The following ARHGAP21 variants were observed in gnomAD, a reference collection of about 807,000 sequenced individuals.
ARHGAP21 encodes the protein rho GTPase-activating protein 21.
A neutral mutation model predicts 164.6 loss-of-function variants in ARHGAP21; 38 were observed. The ratio of observed to expected loss-of-function variants is 0.23; its 90% CI spans 0.18 to 0.30. ARHGAP21 has a LOEUF of 0.30. Among genes scored for constraint, ARHGAP21 ranks in the 10% least tolerant of loss-of-function variants. ARHGAP21 has a pLI of 1.00. For synonymous variants in ARHGAP21, 766 were observed against 857.9 expected (o/e 0.89, Z 1.87); for missense variants, 1,822 against 2,370.7 (o/e 0.77, Z 4.81).
intron 4 of ARHGAP21, among the ~76,000 whole-genome samples, chr10:24,636,431 A>G (rs1210033651): frequency 6.6e-6 from 1 of 152,234 alleles, no homozygotes; most frequent in African/African-American, 2.4e-5. Flanking sequence ...CTTAAGTTTG[A>G]GAATCACTGA....
chr10:24,606,399 A>G (rs1249349394), intron 11 of ARHGAP21, among the ~76,000 whole-genome samples: 1 of 152,194 alleles, frequency 6.6e-6, no homozygotes, highest in Non-Finnish European at 1.5e-5. Flanking sequence ...ACAGAAAAAT[A>G]TAAATATCTT....
intron 1 of ARHGAP21, chr10:24,722,746 G>C (rs1318019604): frequency 6.6e-6 from 1 of 151,956 alleles, no homozygotes; most frequent in Admixed American, 6.6e-5. Context: ...GGCGTCTCCG[G>C]GTGACTCGGG....
rs1428682764 is a variant in ARHGAP21 at position 24,594,518 on chromosome 10, T to G, written c.3876+432A>C. Among the ~76,000 whole-genome samples the G allele has an allele frequency of 2.0e-5, 3 of 152,132 alleles. No individual in the cohort carries two copies. In the East Asian group the frequency reaches 5.8e-4, roughly 29 times the overall value. On this transcript the variant is annotated intron_variant, in intron 21 of 25. Coordinates refer to ENST00000396432, the MANE Select transcript of ARHGAP21 (RefSeq NM_020824.4). ...GAAAAACTGAATGTGAACTGAATAT[T>G]AGACAATATAAAGAATATATTTTGT...
chr10:24,717,852 C>T (rs1014959959), intron 2 of ARHGAP21, among the ~76,000 whole-genome samples: 4 of 122,174 alleles, frequency 3.3e-5, no homozygotes, highest in African/African-American at 1.2e-4. Flanking sequence ...CCTCAGCCTC[C>T]AAACAGTTGG....
Position 24,623,601 on chromosome 10 carries a change from T to C in ARHGAP21, c.496-839A>G, listed in dbSNP as rs183237822. Among the ~76,000 whole-genome samples, 134 of 152,342 alleles carry C rather than the reference T, an allele frequency of 8.8e-4. 2 individuals are homozygous for C. The highest frequency in any genetic ancestry group is 2.9e-3 in the African/African-American group (120 of 41,584). On this transcript the variant is annotated intron_variant, in intron 7 of 25. Transcript: ENST00000396432. ...GAATCATACCAATACTTTTCTGCAATAGGAAAATTGTGTCTGGATGAGAGA... is the reference window on the plus strand; with the variant it reads ...GAATCATACCAATACTTTTCTGCAACAGGAAAATTGTGTCTGGATGAGAGA...
chr10:24,643,381 G>A (rs535409563), intron 4 of ARHGAP21, among the ~76,000 whole-genome samples: 2 of 152,208 alleles, frequency 1.3e-5, no homozygotes, highest in South Asian at 2.1e-4. Flanking sequence ...TTGTTATGGT[G>A]CTCTAACCAA....
At chr10:24,643,255 T>C (rs1246090679) in intron 4 of ARHGAP21, among the ~76,000 whole-genome samples, 1 of 152,246 alleles carries the variant, frequency 6.6e-6, no homozygotes, top group African/African-American at 2.4e-5. Context: ...TTAAAGTTCA[T>C]GTAGCATTGT....
chr10:24,594,202 T>A (rs928978219), intron 21 of ARHGAP21, among the ~76,000 whole-genome samples: 16 of 152,196 alleles, frequency 1.1e-4, no homozygotes, highest in African/African-American at 3.4e-4. Flanking sequence ...AAATCATCAT[T>A]TTAAAATCTC....
rs143563432 is a variant in ARHGAP21 at position 24,660,566 on chromosome 10, C to G, written c.268+6419G>C. Among the ~76,000 whole-genome samples, 1,021 of 152,058 alleles carry G rather than the reference C, an allele frequency of 6.7e-3. 34 individuals are homozygous for G. Among genetic ancestry groups the G allele is most frequent in the Admixed American group, 0.06 (914 of 15,284 alleles). The stretch of plus-strand genomic sequence containing the variant: ...ATGCTTGAAAAGTCTCCCATCAGTA[C>G]AGGATACCTTTACCAAATGAGGTTT... On this transcript the variant is annotated intron_variant, in intron 4 of 25. Coordinates refer to ENST00000396432, the MANE Select transcript of ARHGAP21 (RefSeq NM_020824.4).
chr10:24,584,409 A>G lies in ARHGAP21; in HGVS notation c.*3T>C. 3.1e-6 allele frequency: 5 copies of G among 1,589,154 alleles called. No individual in the cohort carries two copies. Among genetic ancestry groups the G allele is most frequent in the Non-Finnish European group, 4.3e-6 (5 of 1,168,816 alleles). On this transcript the variant is annotated 3_prime_UTR_variant, in exon 26 of 26. Coordinates refer to ENST00000396432, the MANE Select transcript of ARHGAP21 (RefSeq NM_020824.4). ...TACTTGCTAGAGTGGACATACCCCC[A>G]GTTTAAAGACAGGGATGAAACTCTG...
rs1282628211 is a variant in ARHGAP21 at position 24,633,579 on chromosome 10, C to T, written c.362-99G>A. The T allele has an allele frequency of 6.0e-5, 38 of 635,612 alleles. No individual in the cohort carries two copies. The South Asian group carries it at 6.6e-4, about 11-fold the overall frequency. 39.4% of individuals were successfully genotyped at this position (635,612 alleles called of 1,614,324 possible). ...TGAATAATGTCCTTATTTTTAATGT[C>T]GTATATATTAAAATAATAAAATACA... On this transcript the variant is annotated intron_variant, in intron 5 of 25. Transcript: ENST00000396432.
intron 9 of ARHGAP21, 36 bp downstream of exon 9, chr10:24,619,437 T>C (rs779261227): frequency 6.4e-7 from 1 of 1,555,998 alleles, no homozygotes; most frequent in East Asian, 2.2e-5. Context: ...TTCTTATACA[T>C]TTGGCATATT....
At chr10:24,597,888 G>GGGAT in intron 15 of ARHGAP21, 57 bp downstream of exon 15, 1 of 1,525,386 alleles carries the variant, frequency 6.6e-7, no homozygotes, top group Non-Finnish European at 9.0e-7. Context: ...GCAAATAAGG[G>GGGAT]GGATGACTGT....
At chr10:24,628,198 A>G (rs1835330735) in intron 7 of ARHGAP21, among the ~76,000 whole-genome samples, 1 of 152,228 alleles carries the variant, frequency 6.6e-6, no homozygotes, top group Non-Finnish European at 1.5e-5. Context: ...GAACTCTACA[A>G]CCACTTTTGC....
chr10:24,590,075 T>C, intron 24 of ARHGAP21: 1 of 772,292 alleles, frequency 1.3e-6, no homozygotes, highest in Non-Finnish European at 1.7e-6. Flanking sequence ...TTCAGGATAA[T>C]ACCAATTTTG....
intron 19 of ARHGAP21, among the ~76,000 whole-genome samples, chr10:24,595,427 A>G (rs2076536959): frequency 2.0e-5 from 3 of 152,314 alleles, no homozygotes; most frequent in Non-Finnish European, 4.4e-5. Flanking sequence ...GCACTTAAAT[A>G]CTTGGCTTGA....
At chr10:24,628,772 CAT>C (rs140255924) in intron 7 of ARHGAP21, among the ~76,000 whole-genome samples, 4 of 133,734 alleles carry the variant, frequency 3.0e-5, no homozygotes, top group African/African-American at 1.2e-4. Context: ...TGTGTGTGTG[CAT>C]ATATATATAC....
chr10:24,672,726 C>A (rs1370669348), intron 2 of ARHGAP21, among the ~76,000 whole-genome samples: 1 of 152,142 alleles, frequency 6.6e-6, no homozygotes. Flanking sequence ...AGTCTACCCA[C>A]TCTGCCACAA....
chr10:24,602,100 C>A lies in ARHGAP21; in HGVS notation c.2725G>T (p.Ala909Ser). The A allele has an allele frequency of 6.2e-7, 1 of 1,612,240 alleles. No individual in the cohort carries two copies. Among genetic ancestry groups the A allele is most frequent in the Non-Finnish European group, 8.5e-7 (1 of 1,179,444 alleles). ...TCTTCTGATGACTTTTGGCTGTCTG[C>A]GATCTATAGAAAAGACCAAGAAAAC... ...HVSSLKGIKIADSQKSSEDSG... is the reference protein window; with the variant it reads ...HVSSLKGIKISDSQKSSEDSG... Residue 909 changes from alanine to serine, a missense_variant, in exon 13 of 26, where the codon GCA (alanine) becomes TCA (serine). Around this residue, in one of 5 missense-constraint regions of ARHGAP21, gnomAD observed 1,090 missense variants for 1,378.9 expected, o/e 0.79. Transcript: ENST00000396432.
Sources: allele counts gnomAD v4.1 joint callset (sites outside exome capture counted in the v4.1 genomes callset), GRCh38; gene constraint gnomAD v4.1.1; regional missense constraint gnomAD v4.1.1; transcripts MANE v1.5; gene names NCBI Gene and HGNC (gene_info 2026-07-23, HGNC 2026-07-21).